Variants in XRCC4 observed in about 807,000 individuals in gnomAD.
The protein encoded by XRCC4 is DNA repair protein XRCC4.
XRCC4 carries 28 observed loss-of-function variants against 39.1 expected under a neutral mutation model. The observed-to-expected ratio is 0.72, with a 90% CI of 0.53 to 0.98. The LOEUF (loss-of-function observed/expected upper bound fraction) is 0.98, where lower values mean the gene tolerates loss of function less well. XRCC4 is among the 50% of genes least tolerant of loss of function. XRCC4 has a pLI of 0.00. For missense variants in XRCC4, 350 were observed against 376.4 expected, an observed-to-expected ratio of 0.93 and a Z score of 0.58; for synonymous variants, 123 against 126.4, an observed-to-expected ratio of 0.97 and a Z score of 0.18.
intron 3 of XRCC4, among the ~76,000 whole-genome samples, chr5:83,112,634 A>T (rs777625738): frequency 3.9e-5 from 6 of 152,210 alleles, no homozygotes; most frequent in Non-Finnish European, 8.8e-5. Context: ...AAGGAAAAAG[A>T]TTTAATTGAC....
intron 6 of XRCC4, among the ~76,000 whole-genome samples, chr5:83,226,786 A>G (rs1360209680): frequency 6.6e-6 from 1 of 152,130 alleles, no homozygotes; most frequent in Non-Finnish European, 1.5e-5. Flanking sequence ...TTCCTCTCAG[A>G]GGTAACTGAT....
intron 3 of XRCC4, among the ~76,000 whole-genome samples, chr5:83,126,000 A>C (rs1005626391): frequency 6.6e-6 from 1 of 152,062 alleles, no homozygotes; most frequent in Non-Finnish European, 1.5e-5. Flanking sequence ...AAAAAAAAAA[A>C]AAAAAAAAAT....
chr5:83,239,986 T>C (rs1444898155), intron 6 of XRCC4, among the ~76,000 whole-genome samples: 6 of 151,584 alleles, frequency 4.0e-5, no homozygotes, highest in Admixed American at 2.6e-4. Context: ...AGTGAGACCC[T>C]GGCTCTACAG....
At chr5:83,322,788 A>C (rs1580511217) in intron 7 of XRCC4, among the ~76,000 whole-genome samples, 1 of 152,170 alleles carries the variant, frequency 6.6e-6, no homozygotes, top group Non-Finnish European at 1.5e-5. Flanking sequence ...GAAGGAACAG[A>C]TTCTCACCTA....
chr5:83,203,475 T>A, intron 4 of XRCC4, 77 bp from the exon 5 acceptor site: 1 of 1,248,058 alleles, frequency 8.0e-7, no homozygotes. Context: ...CTTGAAATCT[T>A]CTTGATTATT....
At chr5:83,278,100 C>A (rs1043897181) in intron 7 of XRCC4, among the ~76,000 whole-genome samples, 1 of 152,124 alleles carries the variant, frequency 6.6e-6, no homozygotes, top group African/African-American at 2.4e-5. Flanking sequence ...AGTCAAGCTC[C>A]CATCCAGGAG....
chr5:83,277,756 T>C (rs1401326291), intron 7 of XRCC4, among the ~76,000 whole-genome samples: 1 of 152,254 alleles, frequency 6.6e-6, no homozygotes, highest in Non-Finnish European at 1.5e-5. Flanking sequence ...TTTACAAGTT[T>C]GTAACACATT....
At chr5:83,257,421 C>A (rs1753583301) in intron 6 of XRCC4, among the ~76,000 whole-genome samples, 2 of 151,820 alleles carry the variant, frequency 1.3e-5, no homozygotes, top group South Asian at 4.2e-4. Flanking sequence ...ATGCGGTCAA[C>A]AGACATATGA....
At chr5:83,270,521 T>C (rs1396945759) in intron 7 of XRCC4, among the ~76,000 whole-genome samples, 3 of 152,034 alleles carry the variant, frequency 2.0e-5, no homozygotes, top group Admixed American at 1.3e-4. Context: ...TCCCTTTTTT[T>C]CCCATTTCCA....
chr5:83,270,384 A>T (rs1176415670), intron 7 of XRCC4, among the ~76,000 whole-genome samples: 1 of 151,960 alleles, frequency 6.6e-6, no homozygotes, highest in African/African-American at 2.4e-5. Flanking sequence ...GCCTAGCTCT[A>T]CTCCATTTGT....
At chr5:83,129,408 A>T (rs77446729) in intron 3 of XRCC4, among the ~76,000 whole-genome samples, 3 of 150,934 alleles carry the variant, frequency 2.0e-5, no homozygotes, top group Non-Finnish European at 4.4e-5. Flanking sequence ...GTCAGGTAGC[A>T]TGATGCCTCC....
At chr5:83,214,650 G>T (rs1751781884) in intron 6 of XRCC4, among the ~76,000 whole-genome samples, 1 of 151,884 alleles carries the variant, frequency 6.6e-6, no homozygotes, top group Non-Finnish European at 1.5e-5. Flanking sequence ...GGCTAACACG[G>T]TGAAACCCCA....
intron 7 of XRCC4, among the ~76,000 whole-genome samples, chr5:83,302,910 T>C (rs1341291567): frequency 6.6e-6 from 1 of 152,106 alleles, no homozygotes; most frequent in East Asian, 1.9e-4. Flanking sequence ...TCACAAATAA[T>C]AAATAGTACA....
At chr5:83,130,618 A>G (rs1456538235) in intron 3 of XRCC4, among the ~76,000 whole-genome samples, 1 of 152,096 alleles carries the variant, frequency 6.6e-6, no homozygotes. Context: ...TTTGGTTGGT[A>G]GGCTATTAAT....
chr5:83,223,438 T>A (rs1376273073), intron 6 of XRCC4, among the ~76,000 whole-genome samples: 1 of 152,090 alleles, frequency 6.6e-6, no homozygotes, highest in Non-Finnish European at 1.5e-5. Flanking sequence ...CTTGCTGAAT[T>A]GACTTCTTAA....
intron 7 of XRCC4, among the ~76,000 whole-genome samples, chr5:83,273,880 G>A (rs1444106903): frequency 6.6e-6 from 1 of 151,818 alleles, no homozygotes; most frequent in Non-Finnish European, 1.5e-5. Context: ...TTTTTGCTTA[G>A]TATTGTCTTG....
intron 6 of XRCC4, among the ~76,000 whole-genome samples, chr5:83,220,255 A>C (rs1752029235): frequency 6.6e-6 from 1 of 152,186 alleles, no homozygotes; most frequent in South Asian, 2.1e-4. Flanking sequence ...CCTGTTAAAC[A>C]GCAAACCATG....
chr5:83,232,652 C>T (rs1752540535), intron 6 of XRCC4, among the ~76,000 whole-genome samples: 2 of 152,054 alleles, frequency 1.3e-5, no homozygotes, highest in African/African-American at 2.4e-5. Context: ...TAGATATCCT[C>T]CTATCTCTCT....
chr5:83,168,054 G>A (rs944803989), intron 3 of XRCC4, among the ~76,000 whole-genome samples: 4 of 151,982 alleles, frequency 2.6e-5, no homozygotes, highest in African/African-American at 7.3e-5. Flanking sequence ...AAAAATGATG[G>A]TAGATAAAAA....
Sources: gnomAD v4.1 joint callset for allele counts (sites outside exome capture counted in the v4.1 genomes callset) on GRCh38, gnomAD v4.1.1 for gene constraint, MANE v1.5 for transcripts, NCBI Gene and HGNC (gene_info 2026-07-23, HGNC 2026-07-21) for gene names.